Variants in SYTL5 observed in about 807,000 individuals in gnomAD.
The protein encoded by SYTL5 is synaptotagmin like 5.
A neutral mutation model predicts 55.9 loss-of-function variants in SYTL5; 34 were observed. The observed-to-expected ratio is 0.61, with a 90% confidence interval of 0.46 to 0.81. The LOEUF (loss-of-function observed/expected upper bound fraction) is 0.81, where lower values mean the gene tolerates loss of function less well. Among genes scored for constraint, SYTL5 ranks in the 30% least tolerant of loss-of-function variants. SYTL5 has a pLI of 0.00. For synonymous variants in SYTL5, 221 were observed against 188.7 expected, an observed-to-expected ratio of 1.17 and a Z score of -1.40; for missense variants, 637 against 546.7, an observed-to-expected ratio of 1.17 and a Z score of -1.65.
At chrX:37,990,982 C>T in the SYTL5 span, 3 of 1,210,292 alleles carry the variant, frequency 2.5e-6, no homozygotes, top group African/African-American at 3.5e-5. Flanking sequence ...CAGAGTTCCT[C>T]CACAATAAAT....
chrX:38,120,312 G>A (rs1937555868), intron 13 of SYTL5, 46 bp from the exon 14 acceptor site: 1 of 940,481 alleles, frequency 1.1e-6, no homozygotes, highest in Admixed American at 2.2e-5. Flanking sequence ...ACAATACTAA[G>A]CCAATCATCC....
At chrX:37,930,697 A>C in the SYTL5 span, among the ~76,000 whole-genome samples, 2 of 112,305 alleles carry the variant, frequency 1.8e-5, no homozygotes, top group African/African-American at 6.5e-5. Context: ...CTTGAAATGA[A>C]AACATTGTGT....
chrX:38,021,994 C>T (rs190069819), intron 1 of SYTL5, among the ~76,000 whole-genome samples: 45 of 112,351 alleles, frequency 4.0e-4, no homozygotes, highest in African/African-American at 1.3e-3. Context: ...TATTTTCAAC[C>T]TGGATAGAAT....
the SYTL5 span, among the ~76,000 whole-genome samples, chrX:37,996,218 C>G: frequency 6.3e-5 from 7 of 111,881 alleles, no homozygotes; most frequent in East Asian, 1.4e-3. Flanking sequence ...CGTGGGGGGC[C>G]ACAGCCAGCA....
chrX:37,990,391 C>T, the SYTL5 span, among the ~76,000 whole-genome samples: 3 of 111,300 alleles, frequency 2.7e-5, no homozygotes, highest in Middle Eastern at 4.2e-3. Flanking sequence ...GAAGAACAAC[C>T]GAACCTCTAC....
the SYTL5 span, among the ~76,000 whole-genome samples, chrX:37,905,956 G>T: frequency 7.0e-5 from 8 of 113,484 alleles, no homozygotes; most frequent in Admixed American, 1.8e-4. Context: ...CTTGCTGGGG[G>T]TGGGGAGGGA....
the SYTL5 span, among the ~76,000 whole-genome samples, chrX:37,907,712 A>C: frequency 8.9e-6 from 1 of 111,901 alleles, no homozygotes; most frequent in South Asian, 3.7e-4. Context: ...AGTCCAGATT[A>C]GGTTTACCAT....
the SYTL5 span, among the ~76,000 whole-genome samples, chrX:37,893,671 T>A: frequency 1.2e-5 from 1 of 83,808 alleles, no homozygotes; most frequent in Non-Finnish European, 2.2e-5. Context: ...TCTATATATA[T>A]AATCTATAGA....
In SYTL5 at chrX:38,065,600, T is replaced by A. The variant is rs747840190; in HGVS notation, c.330-6447T>A. The stretch of plus-strand genomic sequence containing the variant: ...GGTTTCCTTTTGCCTTCCTGGCTAC[T>A]TTTAAGATGTTCCCTTTGTCTGTAG... On this transcript the variant is annotated intron_variant, in intron 3 of 16. Coordinates refer to ENST00000297875, the MANE Select transcript of SYTL5 (RefSeq NM_138780.3). Among the ~76,000 whole-genome samples, 6 of 112,096 alleles carry A rather than the reference T, an allele frequency of 5.4e-5. No individual in the cohort carries two copies. In the South Asian group the frequency reaches 2.3e-3, roughly 42 times the overall value.
intron 1 of SYTL5, among the ~76,000 whole-genome samples, chrX:38,026,026 G>A (rs1319158284): frequency 2.7e-5 from 3 of 112,759 alleles, no homozygotes; most frequent in African/African-American, 6.4e-5. Flanking sequence ...AAAAGTGTCT[G>A]GAAGGAAGTG....
chrX:38,118,121 C>A (rs1055476367), intron 13 of SYTL5, among the ~76,000 whole-genome samples: 1 of 111,451 alleles, frequency 9.0e-6, no homozygotes, highest in Non-Finnish European at 1.9e-5. Flanking sequence ...AAAGAAGAGT[C>A]CAGTTACAAG....
the SYTL5 span, among the ~76,000 whole-genome samples, chrX:37,915,641 G>C: frequency 8.9e-6 from 1 of 112,000 alleles, no homozygotes; most frequent in South Asian, 3.7e-4. Flanking sequence ...TGTTTCTTTA[G>C]TGACAGTCAC....
At chrX:37,947,939 A>G in the SYTL5 span, among the ~76,000 whole-genome samples, 1 of 111,652 alleles carries the variant, frequency 9.0e-6, no homozygotes, top group African/African-American at 3.2e-5. Context: ...TCCATTTCAT[A>G]TTTCTTTTCC....
At chrX:38,091,608 G>T (rs1936801215) in intron 7 of SYTL5, among the ~76,000 whole-genome samples, 1 of 111,500 alleles carries the variant, frequency 9.0e-6, no homozygotes, top group Non-Finnish European at 1.9e-5. Context: ...GGAGCACAGG[G>T]AAGTGGGAGG....
chrX:38,081,026 A>G (rs1427719163), intron 6 of SYTL5, among the ~76,000 whole-genome samples: 1 of 112,427 alleles, frequency 8.9e-6, no homozygotes, highest in Admixed American at 9.4e-5. Context: ...TGTATAGCAT[A>G]TCTCTGAAAG....
the SYTL5 span, among the ~76,000 whole-genome samples, chrX:37,931,031 T>G: frequency 2.7e-5 from 3 of 112,235 alleles, no homozygotes; most frequent in Non-Finnish European, 5.6e-5. Context: ...TAGGAGGAAC[T>G]GCAGTCAATT....
intron 3 of SYTL5, among the ~76,000 whole-genome samples, chrX:38,055,737 A>G (rs928782647): frequency 8.0e-5 from 9 of 112,051 alleles, no homozygotes; most frequent in African/African-American, 2.6e-4. Flanking sequence ...TTTTTAGCCA[A>G]TGTTATGTTC....
the SYTL5 span, among the ~76,000 whole-genome samples, chrX:37,902,478 T>C: frequency 8.9e-6 from 1 of 112,475 alleles, no homozygotes; most frequent in East Asian, 2.8e-4. Context: ...ACATAAGTTT[T>C]GAGTGATCTG....
At chrX:38,104,000 A>T (rs1159176003) in intron 10 of SYTL5, among the ~76,000 whole-genome samples, 2 of 112,283 alleles carry the variant, frequency 1.8e-5, no homozygotes, top group African/African-American at 6.5e-5. Flanking sequence ...CACTAATAGG[A>T]TATGTGTGCC....
Sources: allele counts gnomAD v4.1 joint callset (sites outside exome capture counted in the v4.1 genomes callset), GRCh38; gene constraint gnomAD v4.1.1; transcripts MANE v1.5; gene names NCBI Gene and HGNC (gene_info 2026-07-23, HGNC 2026-07-21).